Variants in MGAT5 observed in about 807,000 individuals in gnomAD.
MGAT5 encodes alpha-1,6-mannosylglycoprotein 6-beta-N-acetylglucosaminyltransferase.
A neutral mutation model predicts 94.3 loss-of-function variants in MGAT5; 30 were observed. The observed-to-expected ratio is 0.32, with a 90% CI of 0.24 to 0.43. The LOEUF (loss-of-function observed/expected upper bound fraction) is 0.43. Among genes scored for constraint, MGAT5 ranks in the 20% least tolerant of loss-of-function variants. The pLI is 1.00. For synonymous variants in MGAT5, 310 were observed against 322.9 expected (o/e 0.96, Z 0.43); for missense variants, 691 against 905.5 (o/e 0.76, Z 3.04).
Position 134,209,175 on chromosome 2 carries a change from T to A in MGAT5, c.-142-45087T>A, listed in dbSNP as rs1280288792. ...TTATTTTTTTTTTTTTTTTTATTTT[T>A]TTTTTTATTTTTTAATTATTATTAT... On this transcript the variant is annotated intron_variant, in intron 1 of 16. Transcript: ENST00000409645. Among the ~76,000 whole-genome samples the A allele has an allele frequency of 4.6e-4, 9 of 19,726 alleles. 2 individuals carry two copies. Among genetic ancestry groups the A allele is most frequent in the African/African-American group, 2.7e-3 (2 of 740 alleles). The allele number at this position is 19,726 out of a possible 152,430, so 12.9% of individuals were successfully genotyped here.
chr2:134,408,030 C>T (rs546367758), intron 11 of MGAT5, among the ~76,000 whole-genome samples: 1 of 152,234 alleles, frequency 6.6e-6, no homozygotes, highest in African/African-American at 2.4e-5. Flanking sequence ...TGTGTATTCT[C>T]TCTTTGCATC....
In MGAT5 at chr2:134,124,624, G is replaced by A. The variant is rs77564083; in HGVS notation, c.-143+4333G>A. On this transcript the variant is annotated intron_variant, in intron 1 of 16. Transcript: ENST00000409645. ...CTGGCATTAATGCCTGCTGGACCTT[G>A]ACCCTTGCTCAGGTGGCTCCCTGCA... is the stretch of plus-strand genomic sequence containing the variant. Among the ~76,000 whole-genome samples, 528 of 152,320 alleles carry A rather than the reference G, an allele frequency of 3.5e-3. 3 individuals are homozygous for A. Among genetic ancestry groups the A allele is most frequent in the Non-Finnish European group, 3.9e-3 (266 of 68,024 alleles).
At chr2:134,132,838 C>T (rs1406030153) in intron 1 of MGAT5, among the ~76,000 whole-genome samples, 1 of 152,256 alleles carries the variant, frequency 6.6e-6, no homozygotes, top group Non-Finnish European at 1.5e-5. Context: ...TGTGAAAACT[C>T]ACCCTTCTCT....
chr2:134,208,228 T>G (rs1680114992), intron 1 of MGAT5, among the ~76,000 whole-genome samples: 1 of 152,232 alleles, frequency 6.6e-6, no homozygotes, highest in South Asian at 2.1e-4. Context: ...ACTTGTTACT[T>G]AACATATTTT....
intron 1 of MGAT5, among the ~76,000 whole-genome samples, chr2:134,222,971 G>GA (rs1044088608): frequency 4.6e-5 from 7 of 151,952 alleles, no homozygotes; most frequent in African/African-American, 1.7e-4. Flanking sequence ...GCATTGTTCT[G>GA]AAAAATAATT....
chr2:134,214,586 A>G (rs1680370429), intron 1 of MGAT5, among the ~76,000 whole-genome samples: 1 of 151,996 alleles, frequency 6.6e-6, no homozygotes, highest in Admixed American at 6.5e-5. Flanking sequence ...AGAGCTTTCA[A>G]GGGTCTTGGA....
chr2:134,402,828 T>G (rs915080155), intron 10 of MGAT5, among the ~76,000 whole-genome samples, 160 bp from the exon 11 acceptor site: 3 of 152,250 alleles, frequency 2.0e-5, no homozygotes, highest in Non-Finnish European at 4.4e-5. Flanking sequence ...CAGATTACTT[T>G]TCAAAGAAAT....
intron 4 of MGAT5, among the ~76,000 whole-genome samples, chr2:134,325,593 A>G (rs749567126): frequency 2.0e-5 from 3 of 152,126 alleles, no homozygotes; most frequent in Admixed American, 6.6e-5. Flanking sequence ...CTGTACAACT[A>G]TTCTCATTAT....
chr2:134,225,337 T>G (rs551147353), intron 1 of MGAT5, among the ~76,000 whole-genome samples: 1 of 152,250 alleles, frequency 6.6e-6, no homozygotes, highest in African/African-American at 2.4e-5. Context: ...GCCTGCTGAT[T>G]CAGAATCTGG....
chr2:134,221,939 C>T (rs1284862977), intron 1 of MGAT5, among the ~76,000 whole-genome samples: 1 of 152,188 alleles, frequency 6.6e-6, no homozygotes, highest in African/African-American at 2.4e-5. Context: ...CAGCAGGTCC[C>T]ATGGCTCTAG....
chr2:134,388,709 T>C (rs1473761986), intron 10 of MGAT5, among the ~76,000 whole-genome samples: 1 of 150,078 alleles, frequency 6.7e-6, no homozygotes, highest in African/African-American at 2.5e-5. Flanking sequence ...CCAGTATATT[T>C]TCTGAAGTTG....
At position 134,448,954 on chromosome 2, in the gene MGAT5, G is replaced by C. The variant is rs539784041; in HGVS notation, c.*107G>C. ...CATGCAGGGACTCTGGCAAGAGCCTGAACTTTTTCGTAGAAGGTTCTGAAT... is the reference window on the plus strand; with the variant it reads ...CATGCAGGGACTCTGGCAAGAGCCTCAACTTTTTCGTAGAAGGTTCTGAAT... On this transcript the variant is annotated 3_prime_UTR_variant, in exon 16 of 16. Transcript: ENST00000281923. 8.5e-7 allele frequency: 1 copy of C among 1,178,960 alleles called. No individual in the cohort carries two copies. The highest frequency in any genetic ancestry group is 1.2e-6 in the Non-Finnish European group (1 of 836,270). The allele number at this position is 1,178,960 out of a possible 1,614,324, so 73.0% of individuals were successfully genotyped here.
At chr2:134,424,385 T>C (rs1684462840) in intron 13 of MGAT5, among the ~76,000 whole-genome samples, 1 of 152,198 alleles carries the variant, frequency 6.6e-6, no homozygotes, top group South Asian at 2.1e-4. Flanking sequence ...CAAGGTGGTC[T>C]GGTTATGGGG....
chr2:134,406,975 T>TATCCACAGGTGC (rs925585861), intron 11 of MGAT5, among the ~76,000 whole-genome samples: 1 of 152,226 alleles, frequency 6.6e-6, no homozygotes, highest in Non-Finnish European at 1.5e-5. Flanking sequence ...TTGCTTGTTC[T>TATCCACAGGTGC]ATCCACAGGT....
chr2:134,123,177 C>T (rs185266021), intron 1 of MGAT5, among the ~76,000 whole-genome samples: 76 of 152,306 alleles, frequency 5.0e-4, no homozygotes, highest in Non-Finnish European at 9.1e-4. Flanking sequence ...GCCCAGCTGT[C>T]CTCCAAAAGC....
chr2:134,410,707 A>G lies in MGAT5; in HGVS notation c.1531-2162A>G, dbSNP rs987866136. On this transcript the variant is annotated intron_variant, in intron 11 of 15. Transcript: ENST00000281923. ...AATTAAATTTTTCCCAAGATTTTCT[A>G]TTTAAATAGACAAACATTGTGCTGC... is the stretch of plus-strand genomic sequence containing the variant. Among the ~76,000 whole-genome samples, 4 of 152,228 alleles carry G rather than the reference A, an allele frequency of 2.6e-5. No homozygotes were observed. In the East Asian group the frequency reaches 5.8e-4, roughly 22 times the overall value.
At chr2:134,376,657 G>T (rs1261439728) in intron 10 of MGAT5, among the ~76,000 whole-genome samples, 1 of 152,160 alleles carries the variant, frequency 6.6e-6, no homozygotes, top group Non-Finnish European at 1.5e-5. Context: ...CCTAGGGGAG[G>T]AAAGAAATTA....
chr2:134,232,498 C>G (rs772116128), intron 1 of MGAT5, among the ~76,000 whole-genome samples: 7 of 152,178 alleles, frequency 4.6e-5, no homozygotes, highest in Non-Finnish European at 1.0e-4. Flanking sequence ...TCTCCCCAAA[C>G]AGGATGATAC....
chr2:134,136,311 A>C (rs1186278758), intron 1 of MGAT5, among the ~76,000 whole-genome samples: 1 of 152,216 alleles, frequency 6.6e-6, no homozygotes, highest in East Asian at 1.9e-4. Flanking sequence ...TCATGCCTGT[A>C]ATACCAGCAC....
Sources: allele counts gnomAD v4.1 joint callset (sites outside exome capture counted in the v4.1 genomes callset), GRCh38; gene constraint gnomAD v4.1.1; transcripts MANE v1.5; gene names NCBI Gene and HGNC (gene_info 2026-07-23, HGNC 2026-07-21).